The following SENP6 variants were observed in gnomAD, a reference collection of about 807,000 sequenced individuals.
SENP6 encodes SUMO specific peptidase 6.
SENP6 carries 41 observed loss-of-function variants against 134.5 expected under a neutral mutation model. That is an observed-to-expected ratio of 0.30 (90% CI 0.24 to 0.40). The LOEUF is 0.40. Among genes scored for constraint, SENP6 ranks in the 10% least tolerant of loss-of-function variants. The pLI is 1.00. For synonymous variants in SENP6, 395 were observed against 429.8 expected (o/e 0.92, Z 1.00); for missense variants, 1,248 against 1,312.5 (o/e 0.95, Z 0.76).
At chr6:75,702,550 A>G (rs2149899722) in intron 18 of SENP6, 95 bp from the exon 19 acceptor site, 3 of 1,181,918 alleles carry the variant, frequency 2.5e-6, no homozygotes, top group Middle Eastern at 2.4e-4. Context: ...TTAATTGGCA[A>G]GAACTTTAGA....
At chr6:75,644,827 AGT>A (rs1419872690) in intron 6 of SENP6, among the ~76,000 whole-genome samples, 14 of 152,158 alleles carry the variant, frequency 9.2e-5, no homozygotes, top group Non-Finnish European at 2.1e-4. Context: ...ATAGTGTACC[AGT>A]GTTGGTTTCT....
chr6:75,662,335 A>G (rs182724891), intron 8 of SENP6, among the ~76,000 whole-genome samples: 8 of 151,876 alleles, frequency 5.3e-5, no homozygotes, highest in Admixed American at 2.0e-4. Flanking sequence ...GGATGTCGCT[A>G]TGTTGCCCAG....
rs985931142 is a variant in SENP6 at position 75,677,018 on chromosome 6, A to C, written c.1622-12A>C. On this transcript the variant is annotated splice_polypyrimidine_tract_variant and intron_variant, in intron 13 of 23. Transcript: ENST00000447266. ...TGTGTTTTTTTTTGGACTTATATTT[A>C]TTTCTTTTCAGATTTAGAAGAACAA... 14 of 1,278,624 alleles carry C rather than the reference A, an allele frequency of 1.1e-5. No homozygotes were observed. The highest frequency in any genetic ancestry group is 1.5e-5 in the Non-Finnish European group (14 of 905,694). 79.2% of individuals were successfully genotyped at this position (1,278,624 alleles called of 1,614,324 possible).
In SENP6 at chr6:75,634,785, A is replaced by T. The variant is rs1276375508; in HGVS notation, c.432A>T (p.Ile144=). The change falls in exon 5 of 24, where the codon ATA becomes ATT. Residue 144 remains isoleucine, a synonymous_variant. Coordinates refer to ENST00000447266, the MANE Select transcript of SENP6 (RefSeq NM_015571.4). The part of the protein sequence containing the change: ...GRRFHHAHAQ[I]PVVKTAAQSS... ...GTTTTCATCATGCTCATGCACAGAT[A>T]CCAGTAGTAAAAACAGCAGCCCAAA... The T allele has an allele frequency of 4.4e-6, 7 of 1,602,540 alleles. No individual in the cohort carries two copies. The highest frequency in any genetic ancestry group is 6.0e-6 in the Non-Finnish European group (7 of 1,176,426).
intron 1 of SENP6, among the ~76,000 whole-genome samples, chr6:75,612,820 A>G (rs1313392201): frequency 1.3e-5 from 2 of 152,158 alleles, no homozygotes; most frequent in East Asian, 3.9e-4. Context: ...GGTATCAGAA[A>G]ACTATGCCCC....
chr6:75,715,538 A>T lies in SENP6; in HGVS notation c.3283A>T (p.Thr1095Ser). Residue 1095 changes from threonine to serine, a missense_variant, in exon 24 of 24, where the codon ACA becomes TCA. By Grantham distance (58) the Thr-to-Ser change is moderately conservative (BLOSUM62 1). Around this residue, in one of 3 missense-constraint regions of SENP6, gnomAD observed 386 missense variants for 395.0 expected, o/e 0.98. Transcript: ENST00000447266. ...EKRKHKDTYSTEAPLGEGTEQ... is the reference protein window; with the variant it reads ...EKRKHKDTYSSEAPLGEGTEQ... The stretch of plus-strand genomic sequence containing the variant: ...AAGAAAGCATAAGGACACTTACTCA[A>T]CAGAAGCACCTTTAGGCGAAGGAAC... The T allele has an allele frequency of 1.9e-6, 3 of 1,613,486 alleles. No individual in the cohort carries two copies. The highest frequency in any genetic ancestry group is 2.5e-6 in the Non-Finnish European group (3 of 1,179,536).
At chr6:75,694,330 T>A (rs1301078973) in intron 16 of SENP6, among the ~76,000 whole-genome samples, 3 of 152,252 alleles carry the variant, frequency 2.0e-5, no homozygotes, top group Non-Finnish European at 4.4e-5. Flanking sequence ...CTGTACAAGT[T>A]CTTTCTCTTT....
intron 10 of SENP6, among the ~76,000 whole-genome samples, chr6:75,667,341 G>A (rs1772321513): frequency 6.6e-6 from 1 of 152,114 alleles, no homozygotes; most frequent in Non-Finnish European, 1.5e-5. Flanking sequence ...TATGAACGAT[G>A]TCAATAGACA....
rs1411159410 is a variant in SENP6, at chr6:75,718,246, G to C, written c.*2652G>C. ...TACTTAAAATCTCAGACAATTCACT[G>C]AACAGGAATAATAAAGAACATATTT... On this transcript the variant is annotated 3_prime_UTR_variant, in exon 24 of 24. Transcript: ENST00000447266. The C allele has an allele frequency of 6.6e-6, 1 of 152,056 alleles. No homozygotes were observed. Among genetic ancestry groups the C allele is most frequent in the Non-Finnish European group, 1.5e-5 (1 of 67,998 alleles). 9.4% of individuals were successfully genotyped at this position (152,056 alleles called of 1,614,324 possible).
intron 7 of SENP6, among the ~76,000 whole-genome samples, chr6:75,652,683 CAAAAA>C (rs71002754): frequency 2.6e-5 from 2 of 75,856 alleles, no homozygotes; most frequent in Non-Finnish European, 4.6e-5. Flanking sequence ...CTAAAAATCT[CAAAAA>C]AAAAAAAAAA....
intron 11 of SENP6, among the ~76,000 whole-genome samples, chr6:75,673,856 A>G (rs1027209381): frequency 6.6e-6 from 1 of 151,790 alleles, no homozygotes; most frequent in Non-Finnish European, 1.5e-5. Context: ...CCCCATCTCT[A>G]CTAAGACTAC....
intron 10 of SENP6, among the ~76,000 whole-genome samples, chr6:75,667,576 T>C (rs191981461): frequency 4.5e-4 from 68 of 152,294 alleles, no homozygotes; most frequent in African/African-American, 1.6e-3. Context: ...AATCAATTAA[T>C]ATGTGCTGTT....
intron 2 of SENP6, among the ~76,000 whole-genome samples, chr6:75,621,960 C>T (rs1768308267): frequency 6.6e-6 from 1 of 152,122 alleles, no homozygotes; most frequent in Non-Finnish European, 1.5e-5. Flanking sequence ...GGAAATCCAC[C>T]ATTTATCATG....
In SENP6 at chr6:75,713,376, T is replaced by C. The variant is rs1159991114; in HGVS notation, c.2910-137T>C. 20 of 602,686 alleles carry C rather than the reference T, an allele frequency of 3.3e-5. No homozygotes were observed. In the East Asian group the frequency reaches 3.6e-4, roughly 11 times the overall value. The allele number at this position is 602,686 out of a possible 1,614,324, so 37.3% of individuals were successfully genotyped here. On this transcript the variant is annotated intron_variant, in intron 21 of 23. Coordinates refer to ENST00000447266, the MANE Select transcript of SENP6 (RefSeq NM_015571.4). Reference sequence around the variant, plus strand: ...ATGTGTCTATAAGGTTCATTTTTTTTCCCTCAGTAGTACTGAGTCATACAA... The same window carrying C: ...ATGTGTCTATAAGGTTCATTTTTTTCCCCTCAGTAGTACTGAGTCATACAA...
intron 19 of SENP6, among the ~76,000 whole-genome samples, chr6:75,708,295 A>C (rs2149904710): frequency 6.6e-6 from 1 of 152,158 alleles, no homozygotes; most frequent in South Asian, 2.1e-4. Context: ...ATCTTTTCAG[A>C]TTTTTTGCTT....
intron 19 of SENP6, 86 bp downstream of exon 19, chr6:75,703,158 AAAAAATCAGG>A (rs1759798387): frequency 1.7e-6 from 2 of 1,190,128 alleles, no homozygotes; most frequent in Admixed American, 2.4e-5. Context: ...CTGTTTTAAA[AAAAAATCAGG>A]TTAATGACTG....
intron 3 of SENP6, among the ~76,000 whole-genome samples, chr6:75,627,247 C>A (rs1184859310): frequency 2.0e-5 from 3 of 152,176 alleles, no homozygotes; most frequent in Non-Finnish European, 4.4e-5. Flanking sequence ...CAGGCGTGAG[C>A]CACTGTGCCT....
chr6:75,674,816 T>C (rs1239600604), intron 11 of SENP6, among the ~76,000 whole-genome samples: 1 of 152,234 alleles, frequency 6.6e-6, no homozygotes, highest in Non-Finnish European at 1.5e-5. Flanking sequence ...TGAAAGACTT[T>C]TGCAGTGAAC....
Position 75,675,293 on chromosome 6 carries a change from A to C in SENP6, c.1393-142A>C, listed in dbSNP as rs900617194. On this transcript the variant is annotated intron_variant, in intron 11 of 23. Transcript: ENST00000447266. ...TTAGATAAGCAATGTTTAGGTGTTC[A>C]TTATAATGTTATACCAACTTCTCTG... is the stretch of plus-strand genomic sequence containing the variant. 9.7e-6 allele frequency: 5 copies of C among 514,050 alleles called. No homozygotes were observed. In the African/African-American group the frequency reaches 1.0e-4, roughly 10 times the overall value. The allele number at this position is 514,050 out of a possible 1,614,324, so 31.8% of individuals were successfully genotyped here.
Sources: gnomAD v4.1 joint callset for allele counts (sites outside exome capture counted in the v4.1 genomes callset) on GRCh38, gnomAD v4.1.1 for gene constraint, gnomAD v4.1.1 regional missense constraint, MANE v1.5 for transcripts, NCBI Gene and HGNC (gene_info 2026-07-23, HGNC 2026-07-21) for gene names.